The following SPHKAP variants were observed in gnomAD, a reference collection of about 807,000 sequenced individuals.
SPHKAP encodes SPHK1 interactor, AKAP domain containing, also known as A-kinase anchor protein SPHKAP.
A neutral mutation model predicts 137.5 loss-of-function variants in SPHKAP; 67 were observed. The observed-to-expected ratio is 0.49, with a 90% CI of 0.40 to 0.60. The LOEUF is 0.60. Ranked by LOEUF, SPHKAP falls within the 20% of genes least tolerant of loss-of-function variation. The pLI, the probability that SPHKAP is intolerant of heterozygous loss-of-function variation, is 0.00. For synonymous variants in SPHKAP, 813 were observed against 785.3 expected (o/e 1.04, Z -0.59); for missense variants, 2,097 against 2,069.3 (o/e 1.01, Z -0.26).
In SPHKAP at chr2:228,017,770, A is replaced by G; in HGVS notation, c.3084T>C (p.Leu1028=). ...GATTGACAGAATCTGGGACATCTTCAAGGTTCATGGACTCATCCACAACCC... is the reference window on the plus strand; with the variant it reads ...GATTGACAGAATCTGGGACATCTTCGAGGTTCATGGACTCATCCACAACCC... The part of the protein sequence containing the change: ...MNRVVDESMN[L]EDVPDSVNLF... The change falls in exon 7 of 12, where the codon CTT becomes CTC. Residue 1028 remains leucine, a synonymous_variant. Coordinates refer to ENST00000392056, the MANE Select transcript of SPHKAP (RefSeq NM_001142644.2). 1.2e-6 allele frequency: 2 copies of G among 1,614,110 alleles called. No individual in the cohort carries two copies. Among genetic ancestry groups the G allele is most frequent in the South Asian group, 1.1e-5 (1 of 91,078 alleles).
intron 9 of SPHKAP, among the ~76,000 whole-genome samples, chr2:227,992,763 A>C (rs1693461404): frequency 6.6e-6 from 1 of 152,198 alleles, no homozygotes; most frequent in South Asian, 2.1e-4. Flanking sequence ...AAAGTGCTGT[A>C]GTTATAGATA....
At chr2:228,135,905 A>T (rs1049560451) in intron 1 of SPHKAP, among the ~76,000 whole-genome samples, 21 of 152,188 alleles carry the variant, frequency 1.4e-4, no homozygotes, top group African/African-American at 5.1e-4. Flanking sequence ...CCTAATATCA[A>T]AGAAAATGTA....
chr2:227,991,294 C>T lies in SPHKAP; in HGVS notation c.4754G>A (p.Gly1585Glu), dbSNP rs867877410. 1.2e-6 allele frequency: 2 copies of T among 1,614,052 alleles called. No homozygotes were observed. Among genetic ancestry groups the T allele is most frequent in the Non-Finnish European group, 1.7e-6 (2 of 1,180,012 alleles). ...CTTACCCTCTGTGCTTTCTGACTGT[C>T]CTTTAAGAATCTTCTTTTCTTCTAC... ...ELVEEKKILK[G>E]QSESTEAPAS... is the part of the protein sequence containing the mutation. The change falls in exon 10 of 12, where the codon GGA becomes GAA. Residue 1585 changes from glycine (G) to glutamate (E), a missense_variant. By Grantham distance (98) the Gly-to-Glu change is moderately conservative. Coordinates refer to ENST00000392056, the MANE Select transcript of SPHKAP (RefSeq NM_001142644.2).
chr2:228,000,703 A>G (rs963258269), intron 7 of SPHKAP, among the ~76,000 whole-genome samples: 17 of 152,188 alleles, frequency 1.1e-4, no homozygotes, highest in Non-Finnish European at 2.2e-4. Flanking sequence ...GTTCCTCTGT[A>G]TCTTTTCATG....
chr2:228,149,320 A>T (rs1397221680), intron 1 of SPHKAP, among the ~76,000 whole-genome samples: 1 of 152,218 alleles, frequency 6.6e-6, no homozygotes, highest in Non-Finnish European at 1.5e-5. Context: ...AAAAGCTAAA[A>T]AGTCATTATA....
intron 2 of SPHKAP, among the ~76,000 whole-genome samples, chr2:228,121,639 A>G (rs1698906899): frequency 6.6e-6 from 1 of 152,220 alleles, no homozygotes; most frequent in Non-Finnish European, 1.5e-5. Context: ...CTGTGAAGGG[A>G]TATATCTGTT....
chr2:228,129,678 G>T (rs1699184818), intron 2 of SPHKAP, among the ~76,000 whole-genome samples: 1 of 151,226 alleles, frequency 6.6e-6, no homozygotes. Flanking sequence ...ATTCTTATTT[G>T]TAAATGTATA....
chr2:228,033,798 G>C (rs1407666005), intron 3 of SPHKAP, among the ~76,000 whole-genome samples: 2 of 152,178 alleles, frequency 1.3e-5, no homozygotes, highest in Non-Finnish European at 2.9e-5. Context: ...ATAACGAAAT[G>C]AAGGCAGAAA....
rs1029914968 is a variant in SPHKAP, at chr2:228,016,624, G to A, written c.4230C>T (p.Asp1410=). ...GCCTTTTGTGGTTTATTGGTACAGG[G>A]TCCTGGCACGAGGAAGTTTCTTTTT... ...DSKKETSSCQ[D]PVPINHKRRS... The change falls in exon 7 of 12, where the codon GAC becomes GAT. Residue 1410 remains aspartate (D), a synonymous_variant. Coordinates refer to ENST00000392056, the MANE Select transcript of SPHKAP (RefSeq NM_001142644.2). 1.6e-5 allele frequency: 26 copies of A among 1,613,676 alleles called. No individual in the cohort carries two copies. Among genetic ancestry groups the A allele is most frequent in the Admixed American group, 3.3e-5 (2 of 59,902 alleles).
In SPHKAP at chr2:228,074,677, C is replaced by T. The variant is rs1176393281; in HGVS notation, c.246+34155G>A. ...CATATCAGCCCACGAGAAAATTAAT[C>T]CTGAATTATTTGAAGTCTTCTGAAG... On this transcript the variant is annotated intron_variant, in intron 3 of 11. Transcript: ENST00000392056. 2.6e-5 allele frequency among the ~76,000 whole-genome samples: 4 copies of T among 152,114 alleles called. No individual in the cohort carries two copies. In the East Asian group the frequency reaches 7.7e-4, roughly 29 times the overall value.
intron 1 of SPHKAP, among the ~76,000 whole-genome samples, chr2:228,136,207 G>A (rs532015129): frequency 3.3e-5 from 5 of 152,238 alleles, no homozygotes; most frequent in African/African-American, 7.2e-5. Context: ...TGGGTAAGCC[G>A]GCAAATTCTT....
At chr2:228,056,288 C>T (rs921116896) in intron 3 of SPHKAP, among the ~76,000 whole-genome samples, 2 of 152,110 alleles carry the variant, frequency 1.3e-5, no homozygotes, top group African/African-American at 4.8e-5. Flanking sequence ...GTCATGGCAC[C>T]CTGATGATCA....
Position 228,019,154 on chromosome 2 carries a change from G to A in SPHKAP, c.1700C>T (p.Ala567Val), listed in dbSNP as rs762175511. ...ALCGMTQVAS[A>V]VAVCGLGERE... The stretch of plus-strand genomic sequence containing the variant: ...TTCACCCAGACCACAGACAGCCACG[G>A]CACTGGCCACCTGAGTCATGCCACA... Residue 567 changes from alanine to valine, a missense_variant, in exon 7 of 12, where the codon GCC (alanine) becomes GTC (valine). Physicochemically the swap from Ala to Val is moderately conservative, Grantham distance 64. Transcript: ENST00000392056. The A allele has an allele frequency of 5.6e-6, 9 of 1,613,718 alleles. 1 individual carries two copies. The South Asian group carries it at 8.8e-5, about 16-fold the overall frequency.
At chr2:228,106,674 C>G (rs1250936498) in intron 3 of SPHKAP, among the ~76,000 whole-genome samples, 1 of 152,100 alleles carries the variant, frequency 6.6e-6, no homozygotes, top group Non-Finnish European at 1.5e-5. Context: ...AGCTATTTTG[C>G]TCATGAATTC....
At chr2:228,047,153 C>T (rs1365159371) in intron 3 of SPHKAP, among the ~76,000 whole-genome samples, 2 of 152,070 alleles carry the variant, frequency 1.3e-5, no homozygotes, top group East Asian at 1.9e-4. Context: ...AATTTGACAA[C>T]AAGAAGTTAC....
intron 3 of SPHKAP, among the ~76,000 whole-genome samples, chr2:228,051,395 A>T (rs1477155853): frequency 6.6e-6 from 1 of 152,180 alleles, no homozygotes; most frequent in African/African-American, 2.4e-5. Context: ...GCTTTGGCTA[A>T]GGGGATGTTA....
intron 1 of SPHKAP, chr2:228,169,805 C>T (rs549419437): frequency 6.6e-5 from 10 of 151,784 alleles, no homozygotes; most frequent in Non-Finnish European, 1.5e-4. Context: ...AGCATGGGCC[C>T]AGCACAGGAA....
intron 1 of SPHKAP, among the ~76,000 whole-genome samples, chr2:228,166,583 T>C (rs1700428995): frequency 6.6e-6 from 1 of 152,218 alleles, no homozygotes; most frequent in African/African-American, 2.4e-5. Context: ...ACTTGTATCA[T>C]ATCTTCTCCT....
chr2:228,150,982 T>C (rs996014409), intron 1 of SPHKAP, among the ~76,000 whole-genome samples: 4 of 152,076 alleles, frequency 2.6e-5, no homozygotes, highest in African/African-American at 7.2e-5. Flanking sequence ...GTGCACAATG[T>C]GCAGGTTAGT....
Sources: allele counts gnomAD v4.1 joint callset (sites outside exome capture counted in the v4.1 genomes callset), GRCh38; gene constraint gnomAD v4.1.1; transcripts MANE v1.5; gene names NCBI Gene and HGNC (gene_info 2026-07-23, HGNC 2026-07-21).